HIVEP1: variants seen among roughly 807,000 people sequenced by gnomAD.
HIVEP1 encodes the protein zinc finger protein 40.
A neutral mutation model predicts 180.0 loss-of-function variants in HIVEP1; 36 were observed. The observed-to-expected ratio is 0.20, with a 90% CI of 0.15 to 0.26. The LOEUF (loss-of-function observed/expected upper bound fraction) is 0.26. Ranked by LOEUF, HIVEP1 falls within the 10% of genes least tolerant of loss-of-function variation. The probability of loss-of-function intolerance (pLI) is 1.00; values close to 1 mark genes in which losing one functional copy is unlikely to be tolerated. For synonymous variants in HIVEP1, 1,239 were observed against 1,239.0 expected (o/e 1.00, Z 0.00); for missense variants, 3,143 against 3,268.7 (o/e 0.96, Z 0.94).
At chr6:12,191,128 T>C in the HIVEP1 span, among the ~76,000 whole-genome samples, 10 of 152,328 alleles carry the variant, frequency 6.6e-5, no homozygotes, top group African/African-American at 2.4e-4. Context: ...CCAGTAATAG[T>C]ATTTTAAAAA....
chr6:12,175,033 A>G, the HIVEP1 span, among the ~76,000 whole-genome samples: 81 of 152,320 alleles, frequency 5.3e-4, 1 homozygote, highest in East Asian at 0.015. Flanking sequence ...ATGACCATAG[A>G]TTGTGTCTCT....
intron 2 of HIVEP1, among the ~76,000 whole-genome samples, chr6:12,027,728 T>C (rs751641601): frequency 4.6e-5 from 7 of 152,174 alleles, no homozygotes; most frequent in Non-Finnish European, 8.8e-5. Flanking sequence ...GAGTGCCAGG[T>C]CTTGAGAATG....
intron 7 of HIVEP1, among the ~76,000 whole-genome samples, chr6:12,137,337 CTT>C (rs377192563): frequency 6.6e-6 from 1 of 152,214 alleles, no homozygotes; most frequent in East Asian, 1.9e-4. Context: ...GAAGGTAGTA[CTT>C]ATATCTTAAA....
At chr6:12,054,147 C>T (rs74656382) in intron 2 of HIVEP1, among the ~76,000 whole-genome samples, 2,107 of 152,266 alleles carry the variant, frequency 0.014, 24 homozygotes, top group Middle Eastern at 0.068. Flanking sequence ...AATTGTGATG[C>T]CAACTCAAGA....
At chr6:12,068,898 C>T (rs1771779625) in intron 2 of HIVEP1, among the ~76,000 whole-genome samples, 1 of 152,130 alleles carries the variant, frequency 6.6e-6, no homozygotes, top group African/African-American at 2.4e-5. Flanking sequence ...TGTTTTCTCC[C>T]TTTACTTGCC....
intron 2 of HIVEP1, among the ~76,000 whole-genome samples, chr6:12,056,523 A>T (rs745779541): frequency 4.6e-5 from 7 of 152,160 alleles, no homozygotes; most frequent in South Asian, 2.1e-4. Flanking sequence ...ACTTTACTGA[A>T]TTCTTATTCT....
intron 6 of HIVEP1, among the ~76,000 whole-genome samples, chr6:12,133,339 A>C (rs997774240): frequency 6.6e-6 from 1 of 152,226 alleles, no homozygotes; most frequent in Non-Finnish European, 1.5e-5. Flanking sequence ...ATTAGACTGC[A>C]TGTAGCTCTA....
intron 2 of HIVEP1, among the ~76,000 whole-genome samples, chr6:12,058,201 C>G (rs1022432992): frequency 2.0e-4 from 31 of 151,346 alleles, no homozygotes; most frequent in African/African-American, 7.5e-4. Flanking sequence ...GAGTGTTTGT[C>G]AGTGTCAATA....
downstream of HIVEP1, among the ~76,000 whole-genome samples, chr6:12,168,304 TACA>T (rs1365372780): frequency 7.8e-6 from 1 of 127,884 alleles, no homozygotes; most frequent in Non-Finnish European, 1.6e-5. Context: ...TATACATATA[TACA>T]TATATTATAT....
Position 12,089,207 on chromosome 6 carries a change from G to T in HIVEP1, c.64G>T (p.Glu22Ter). 1 of 1,562,662 alleles carries T rather than the reference G, an allele frequency of 6.4e-7. No homozygotes were observed. The highest frequency in any genetic ancestry group is 8.8e-7 in the Non-Finnish European group (1 of 1,140,036). ...AGACAAAATTGAAGAAGCACAAAAA[G>T]AACTTAATGGGGCAGAAGTTTCAAA... ...LRDKIEEAQKELNGAEVSKKE... is the reference protein window; with the variant it reads ...LRDKIEEAQK Residue 22 changes from glutamate to a stop codon, truncating the protein, a stop_gained, in exon 3 of 9, where the codon GAA becomes TAA. Coordinates refer to ENST00000379388, the MANE Select transcript of HIVEP1 (RefSeq NM_002114.4). LOFTEE classifies it high-confidence loss of function.
At chr6:12,165,225 A>G, downstream of HIVEP1, 1 of 450,040 alleles carries the variant, frequency 2.2e-6, no homozygotes, top group South Asian at 1.7e-5. Flanking sequence ...TATTATTAGA[A>G]GACTAAATAT....
chr6:12,043,355 ATT>A (rs1304144063), intron 2 of HIVEP1, among the ~76,000 whole-genome samples: 33 of 109,890 alleles, frequency 3.0e-4, no homozygotes, highest in South Asian at 6.4e-4. Context: ...CTAAGTGAAA[ATT>A]TTTTTTTTTT....
rs2113566178 is a variant in HIVEP1, at chr6:12,130,854, A to G, written c.6297A>G (p.Lys2099=). 1 of 1,612,710 alleles carries G rather than the reference A, an allele frequency of 6.2e-7. No homozygotes were observed. Among genetic ancestry groups the G allele is most frequent in the Non-Finnish European group, 8.5e-7 (1 of 1,178,784 alleles). ...ICEECGIRCK[K]PSMLKKHIRT... is the part of the protein sequence containing the mutation. ...AAGAATGTGGAATACGTTGTAAGAA[A>G]CCTAGCATGTTAAAGAAACACATAC... The change falls in exon 6 of 9, where the codon AAA becomes AAG. Residue 2099 remains lysine (K), a synonymous_variant. Transcript: ENST00000379388.
chr6:12,107,677 C>T (rs900025718), intron 3 of HIVEP1, among the ~76,000 whole-genome samples: 3 of 152,146 alleles, frequency 2.0e-5, no homozygotes, highest in Admixed American at 6.5e-5. Context: ...TGTTACAGCT[C>T]ATAAAGGCAG....
At chr6:12,107,412 C>A (rs567890428) in intron 3 of HIVEP1, among the ~76,000 whole-genome samples, 122 of 152,322 alleles carry the variant, frequency 8.0e-4, no homozygotes, top group African/African-American at 2.8e-3. Flanking sequence ...TGCCTCGATG[C>A]AGATTGCTGC....
intron 2 of HIVEP1, among the ~76,000 whole-genome samples, chr6:12,036,210 G>A (rs1377240483): frequency 6.6e-6 from 1 of 152,188 alleles, no homozygotes; most frequent in African/African-American, 2.4e-5. Flanking sequence ...TGTTCAAAGA[G>A]CTTGATTTTG....
chr6:12,056,736 A>T (rs1770903023), intron 2 of HIVEP1, among the ~76,000 whole-genome samples: 1 of 152,216 alleles, frequency 6.6e-6, no homozygotes, highest in Admixed American at 6.5e-5. Context: ...GGTAGTTCAC[A>T]GTTAAATACA....
At chr6:12,084,125 G>C (rs921013259) in intron 2 of HIVEP1, among the ~76,000 whole-genome samples, 1 of 152,098 alleles carries the variant, frequency 6.6e-6, no homozygotes, top group African/African-American at 2.4e-5. Context: ...GTAATGCTAT[G>C]GCAACTCTCT....
chr6:12,059,243 G>A (rs1771072781), intron 2 of HIVEP1, among the ~76,000 whole-genome samples: 1 of 152,134 alleles, frequency 6.6e-6, no homozygotes. Flanking sequence ...TTGCCATGTT[G>A]GCCAGGCTGG....
Sources: gnomAD v4.1 joint callset for allele counts (sites outside exome capture counted in the v4.1 genomes callset) on GRCh38, gnomAD v4.1.1 for gene constraint, MANE v1.5 for transcripts, NCBI Gene and HGNC (gene_info 2026-07-23, HGNC 2026-07-21) for gene names.